The following BMP5 variants were observed in gnomAD, a reference collection of about 807,000 sequenced individuals.
BMP5 encodes bone morphogenetic protein 5.
BMP5 carries 23 observed loss-of-function variants against 46.6 expected under a neutral mutation model. The ratio of observed to expected loss-of-function variants is 0.49; its 90% CI spans 0.35 to 0.70. The LOEUF is 0.70. BMP5 is among the 30% of genes least tolerant of loss of function. The pLI, the probability that BMP5 is intolerant of heterozygous loss-of-function variation, is 0.00. For missense variants in BMP5, 545 were observed against 565.6 expected, an observed-to-expected ratio of 0.96 and a Z score of 0.37; for synonymous variants, 204 against 191.9, an observed-to-expected ratio of 1.06 and a Z score of -0.52.
At chr6:55,865,865 G>A (rs561107338) in intron 1 of BMP5, among the ~76,000 whole-genome samples, 7 of 152,166 alleles carry the variant, frequency 4.6e-5, no homozygotes, top group South Asian at 4.1e-4. Flanking sequence ...TAGTTTCAAC[G>A]AAGTGAAATG....
chr6:55,853,358 C>T (rs922449675), intron 1 of BMP5, among the ~76,000 whole-genome samples: 11 of 146,460 alleles, frequency 7.5e-5, no homozygotes, highest in African/African-American at 2.5e-4. Context: ...CTCTCTCTCT[C>T]TCTCTGACTC....
intron 3 of BMP5, among the ~76,000 whole-genome samples, chr6:55,784,166 C>T (rs879336359): frequency 2.0e-5 from 3 of 151,736 alleles, no homozygotes; most frequent in Non-Finnish European, 4.4e-5. Flanking sequence ...TATGATCAAA[C>T]CTGCAATTCT....
intron 2 of BMP5, among the ~76,000 whole-genome samples, chr6:55,806,669 A>G (rs1224760842): frequency 6.6e-6 from 1 of 152,116 alleles, no homozygotes. Flanking sequence ...CAGTATGGCC[A>G]TTTTCATTAT....
chr6:55,803,788 G>A (rs1023817574), intron 2 of BMP5, among the ~76,000 whole-genome samples: 9 of 152,114 alleles, frequency 5.9e-5, no homozygotes, highest in Admixed American at 1.3e-4. Context: ...TGCAGGCCAC[G>A]CACATCATTA....
intron 4 of BMP5, 100 bp downstream of exon 4, chr6:55,773,949 C>T (rs887264355): frequency 1.9e-5 from 24 of 1,274,870 alleles, no homozygotes; most frequent in Middle Eastern, 5.3e-4. Flanking sequence ...ATGTACCATC[C>T]GAAGGTATAC....
chr6:55,817,326 A>G (rs932279921), intron 2 of BMP5, among the ~76,000 whole-genome samples: 2 of 152,200 alleles, frequency 1.3e-5, no homozygotes, highest in Non-Finnish European at 2.9e-5. Context: ...CACTATTCAC[A>G]ATAGCAAAGA....
At position 55,754,743 on chromosome 6, in the gene BMP5, G is replaced by C. The variant is rs906815848; in HGVS notation, c.*790C>G. On this transcript the variant is annotated 3_prime_UTR_variant, in exon 7 of 7. Transcript: ENST00000370830. ...TTAAATCTGAAAAAAAAATTCTGCA[G>C]CAGTAGTGTTCTAGATAATAGGCAG... The C allele has an allele frequency of 3.3e-5, 5 of 151,960 alleles. No individual in the cohort carries two copies. The highest frequency in any genetic ancestry group is 1.5e-5 in the Non-Finnish European group (1 of 67,920). The allele number at this position is 151,960 out of a possible 1,614,324, so 9.4% of individuals were successfully genotyped here. A position where few individuals can be genotyped will look rare whatever the true frequency, so the allele number is the denominator to read the frequency against.
At position 55,801,381 on chromosome 6, in the gene BMP5, G is replaced by A. The variant is rs189379309; in HGVS notation, c.684-6954C>T. On this transcript the variant is annotated intron_variant, in intron 2 of 6. Transcript: ENST00000370830. ...CCTCTGAATCTAGGGCAAGGCATCC[G>A]CTTCTAAAGGAAAGGACTTGGCGGC... Among the ~76,000 whole-genome samples, 60 of 152,276 alleles carry A rather than the reference G, an allele frequency of 3.9e-4. 1 individual carries two copies. The highest frequency in any genetic ancestry group is 1.1e-3 in the African/African-American group (44 of 41,556).
At chr6:55,808,338 T>G (rs965019366) in intron 2 of BMP5, among the ~76,000 whole-genome samples, 1 of 152,158 alleles carries the variant, frequency 6.6e-6, no homozygotes, top group Admixed American at 6.5e-5. Flanking sequence ...TGGGTCCAGC[T>G]AAGGAAAAGC....
At chr6:55,866,793 T>C (rs1026520034) in intron 1 of BMP5, among the ~76,000 whole-genome samples, 2 of 152,184 alleles carry the variant, frequency 1.3e-5, no homozygotes, top group African/African-American at 2.4e-5. Flanking sequence ...TATTGACCCA[T>C]GTACAATTTA....
At chr6:55,799,157 C>G (rs879276149) in intron 2 of BMP5, among the ~76,000 whole-genome samples, 2 of 152,108 alleles carry the variant, frequency 1.3e-5, no homozygotes, top group Non-Finnish European at 2.9e-5. Flanking sequence ...GTATGACAAT[C>G]CCTGCCTTAA....
chr6:55,844,664 A>G (rs1183950776), intron 1 of BMP5, among the ~76,000 whole-genome samples: 1 of 151,882 alleles, frequency 6.6e-6, no homozygotes, highest in Non-Finnish European at 1.5e-5. Flanking sequence ...TTTTTATTAA[A>G]ATTTTTATAA....
At chr6:55,763,786 T>C (rs1271905872) in intron 4 of BMP5, among the ~76,000 whole-genome samples, 2 of 152,184 alleles carry the variant, frequency 1.3e-5, no homozygotes, top group Non-Finnish European at 2.9e-5. Context: ...TTAATAGTAA[T>C]AATATTAGGA....
At chr6:55,838,154 T>A (rs868658133) in intron 1 of BMP5, among the ~76,000 whole-genome samples, 1 of 152,128 alleles carries the variant, frequency 6.6e-6, no homozygotes, top group Non-Finnish European at 1.5e-5. Context: ...ATACTGATTT[T>A]CCCAGCAGTG....
chr6:55,840,569 C>A (rs112503805), intron 1 of BMP5, among the ~76,000 whole-genome samples: 65 of 152,222 alleles, frequency 4.3e-4, no homozygotes, highest in African/African-American at 1.5e-3. Context: ...CATTTCTTAT[C>A]ATATAGGTTG....
intron 1 of BMP5, among the ~76,000 whole-genome samples, chr6:55,823,223 A>C (rs1776450566): frequency 1.3e-5 from 2 of 152,122 alleles, no homozygotes; most frequent in South Asian, 4.1e-4. Context: ...CTTAGAGGCT[A>C]GTTCATTGTT....
intron 1 of BMP5, among the ~76,000 whole-genome samples, chr6:55,847,766 T>C (rs1777134285): frequency 6.6e-6 from 1 of 151,918 alleles, no homozygotes; most frequent in Admixed American, 6.6e-5. Flanking sequence ...GTGTAGAATA[T>C]CCATTACTGT....
At chr6:55,819,953 G>A in intron 1 of BMP5, 106 bp from the exon 2 acceptor site, 1 of 1,032,996 alleles carries the variant, frequency 9.7e-7, no homozygotes. Context: ...AAGCAGGATA[G>A]TATAAAACTG....
chr6:55,788,104 C>CTAA (rs968497869), intron 3 of BMP5, among the ~76,000 whole-genome samples: 10 of 151,740 alleles, frequency 6.6e-5, no homozygotes, highest in Admixed American at 3.3e-4. Context: ...TTAACGCTTA[C>CTAA]TAATAGGTTT....
Sources: allele counts gnomAD v4.1 joint callset (sites outside exome capture counted in the v4.1 genomes callset), GRCh38; gene constraint gnomAD v4.1.1; transcripts MANE v1.5; gene names NCBI Gene and HGNC (gene_info 2026-07-23, HGNC 2026-07-21).